The following JAZF1 variants were observed in gnomAD, a reference collection of about 807,000 sequenced individuals.
JAZF1 encodes the protein juxtaposed with another zinc finger protein 1.
Under a neutral mutation model 26.4 loss-of-function variants are expected in JAZF1, and 8 were observed. The observed-to-expected ratio is 0.30, with a 90% CI of 0.18 to 0.55. The LOEUF (loss-of-function observed/expected upper bound fraction) is 0.55. JAZF1 is among the 20% of genes least tolerant of loss of function. The probability of loss-of-function intolerance (pLI) is 0.94; values close to 1 mark genes in which losing one functional copy is unlikely to be tolerated. For synonymous variants in JAZF1, 126 were observed against 122.3 expected, an observed-to-expected ratio of 1.03 and a Z score of -0.20; for missense variants, 199 against 322.0, an observed-to-expected ratio of 0.62 and a Z score of 2.92.
chr7:28,052,761 T>A (rs1340534331), intron 1 of JAZF1, among the ~76,000 whole-genome samples: 1 of 150,620 alleles, frequency 6.6e-6, no homozygotes, highest in Non-Finnish European at 1.5e-5. Context: ...ATATAGGACA[T>A]CCACAAAGAT....
rs1179624533 is a variant in JAZF1, at chr7:28,110,524, A to G, written c.115+69939T>C. Among the ~76,000 whole-genome samples, 20 of 80,548 alleles carry G rather than the reference A, an allele frequency of 2.5e-4. 1 individual carries two copies. The highest frequency in any genetic ancestry group is 6.8e-4 in the Admixed American group (4 of 5,872). The allele number at this position is 80,548 out of a possible 152,430, so 52.8% of individuals were successfully genotyped here. The stretch of plus-strand genomic sequence containing the variant: ...AAAGGAAAAGGAAAGGAAAAGGAAA[A>G]GGAAAAGGAAAGGAAAAGGAAAAGG... On this transcript the variant is annotated intron_variant, in intron 1 of 4. Coordinates refer to ENST00000283928, the MANE Select transcript of JAZF1 (RefSeq NM_175061.4).
chr7:27,832,891 TTC>T lies in JAZF1; in HGVS notation c.639_640del (p.Lys214GlufsTer22). 1 of 1,613,646 alleles carries T rather than the reference TTC, an allele frequency of 6.2e-7. No individual in the cohort carries two copies. Among genetic ancestry groups the T allele is most frequent in the Non-Finnish European group, 8.5e-7 (1 of 1,179,806 alleles). On this transcript the variant is annotated frameshift_variant, in exon 5 of 5. Coordinates refer to ENST00000283928, the MANE Select transcript of JAZF1 (RefSeq NM_175061.4). LOFTEE classifies it high-confidence loss of function. ...CAGGCCCTGAGCTGTCTTGTAACTC[TTC>T]CCACAGCGACACTTGAATGGTTTGC...
chr7:28,000,829 G>A (rs1187785705), intron 1 of JAZF1, among the ~76,000 whole-genome samples: 1 of 151,904 alleles, frequency 6.6e-6, no homozygotes, highest in Non-Finnish European at 1.5e-5. Flanking sequence ...ATGTTGGCCA[G>A]AGTGTTCTCG....
chr7:28,180,100 C>T (rs1238434563), intron 1 of JAZF1, among the ~76,000 whole-genome samples: 37 of 145,726 alleles, frequency 2.5e-4, no homozygotes, highest in African/African-American at 8.4e-4. Context: ...CCGCCCGCCG[C>T]GCCCTCCGCC....
chr7:28,148,026 T>C (rs1454922002), intron 1 of JAZF1, among the ~76,000 whole-genome samples: 2 of 152,186 alleles, frequency 1.3e-5, no homozygotes, highest in Non-Finnish European at 2.9e-5. Context: ...TCCCAGATCT[T>C]TGTGCATTAT....
chr7:28,004,378 C>T (rs1782664093), intron 1 of JAZF1, among the ~76,000 whole-genome samples: 1 of 151,522 alleles, frequency 6.6e-6, no homozygotes, highest in Non-Finnish European at 1.5e-5. Flanking sequence ...CCAGAACTGC[C>T]CATTATTATC....
rs568802641 is a variant in JAZF1 at position 27,928,156 on chromosome 7, T to G, written c.189-32740A>C. 4.6e-5 allele frequency among the ~76,000 whole-genome samples: 7 copies of G among 152,368 alleles called. No homozygotes were observed. In the South Asian group the frequency reaches 1.4e-3, roughly 32 times the overall value. On this transcript the variant is annotated intron_variant, in intron 2 of 4. Coordinates refer to ENST00000283928, the MANE Select transcript of JAZF1 (RefSeq NM_175061.4). ...TTGAACAGAGGGATTTATTTTCTTC[T>G]CATAGCTTTTGGAAGTCTGGGCCTA... is the stretch of plus-strand genomic sequence containing the variant.
chr7:27,967,522 G>C (rs1236667415), intron 2 of JAZF1, among the ~76,000 whole-genome samples: 1 of 151,830 alleles, frequency 6.6e-6, no homozygotes, highest in Non-Finnish European at 1.5e-5. Flanking sequence ...GATCAATCAG[G>C]GTCATTAAAA....
intron 3 of JAZF1, among the ~76,000 whole-genome samples, chr7:27,846,763 T>A (rs2128332984): frequency 6.6e-6 from 1 of 152,280 alleles, no homozygotes; most frequent in South Asian, 2.1e-4. Flanking sequence ...TTTGGAAAAA[T>A]GCCTATCCAG....
At chr7:27,997,343 T>C (rs746190316) in intron 1 of JAZF1, among the ~76,000 whole-genome samples, 25 of 151,874 alleles carry the variant, frequency 1.6e-4, no homozygotes, top group Admixed American at 2.0e-4. Context: ...GCTGAGAAAA[T>C]AGGGGAGTTA....
rs143873969 is a variant in JAZF1, at chr7:27,965,223, T to C, written c.188+26686A>G. 8.7e-4 allele frequency among the ~76,000 whole-genome samples: 133 copies of C among 152,306 alleles called. 1 individual carries two copies. Among genetic ancestry groups the C allele is most frequent in the African/African-American group, 3.1e-3 (130 of 41,568 alleles). On this transcript the variant is annotated intron_variant, in intron 2 of 4. Coordinates refer to ENST00000283928, the MANE Select transcript of JAZF1 (RefSeq NM_175061.4). ...CAGTCATTGTACACCCAACATACTT[T>C]ATTCCCCGATATTTATAACACAAAT...
At chr7:28,026,401 A>G (rs930304021) in intron 1 of JAZF1, among the ~76,000 whole-genome samples, 3 of 152,170 alleles carry the variant, frequency 2.0e-5, no homozygotes, top group Non-Finnish European at 4.4e-5. Context: ...TGCAGACACA[A>G]GAGCTCTGAG....
At chr7:27,928,934 T>C (rs1328897245) in intron 2 of JAZF1, among the ~76,000 whole-genome samples, 1 of 152,214 alleles carries the variant, frequency 6.6e-6, no homozygotes, top group Non-Finnish European at 1.5e-5. Flanking sequence ...TATGAAAATA[T>C]GTACCCCTGG....
chr7:27,843,769 CA>C (rs1295801187), intron 3 of JAZF1: 2 of 152,268 alleles, frequency 1.3e-5, no homozygotes, highest in Non-Finnish European at 2.9e-5. Flanking sequence ...CTCTGAGCTT[CA>C]AATTGCTCAT....
intron 1 of JAZF1, among the ~76,000 whole-genome samples, chr7:28,104,475 T>C (rs757534086): frequency 2.6e-5 from 4 of 152,240 alleles, no homozygotes; most frequent in Non-Finnish European, 5.9e-5. Flanking sequence ...TGCCCTTACA[T>C]GTCTGAGTTA....
chr7:28,153,337 A>G (rs1296745850), intron 1 of JAZF1, among the ~76,000 whole-genome samples: 1 of 152,228 alleles, frequency 6.6e-6, no homozygotes, highest in Non-Finnish European at 1.5e-5. Context: ...AAAATTAGCA[A>G]CAATGTATTT....
At chr7:27,994,803 C>T (rs928184768) in intron 1 of JAZF1, among the ~76,000 whole-genome samples, 4 of 152,124 alleles carry the variant, frequency 2.6e-5, no homozygotes, top group Non-Finnish European at 5.9e-5. Context: ...TTATGACTCA[C>T]CATTTTATGG....
At chr7:27,888,984 C>T (rs1343522206) in intron 3 of JAZF1, among the ~76,000 whole-genome samples, 1 of 152,250 alleles carries the variant, frequency 6.6e-6, no homozygotes, top group Non-Finnish European at 1.5e-5. Context: ...GGATTCATCC[C>T]GGAGGTCAAG....
At chr7:28,124,032 TG>T (rs1240477815) in intron 1 of JAZF1, among the ~76,000 whole-genome samples, 20 of 152,142 alleles carry the variant, frequency 1.3e-4, no homozygotes, top group Admixed American at 1.3e-3. Context: ...TGTTTGGGGC[TG>T]ACTTGTGTCC....
Sources: allele counts gnomAD v4.1 joint callset (sites outside exome capture counted in the v4.1 genomes callset), GRCh38; gene constraint gnomAD v4.1.1; transcripts MANE v1.5; gene names NCBI Gene and HGNC (gene_info 2026-07-23, HGNC 2026-07-21).